PAQR8: variants seen among roughly 807,000 people sequenced by gnomAD.
PAQR8 encodes membrane progestin receptor beta.
Under a neutral mutation model 25.2 loss-of-function variants are expected in PAQR8, and 17 were observed. That is an observed-to-expected ratio of 0.67 (90% CI 0.46 to 1.01). The LOEUF (loss-of-function observed/expected upper bound fraction) is 1.01, where lower values mean the gene tolerates loss of function less well. Ranked by LOEUF, PAQR8 falls within the 50% of genes least tolerant of loss-of-function variation. The pLI is 0.00. For missense variants in PAQR8, 392 were observed against 448.4 expected (o/e 0.87, Z 1.14); for synonymous variants, 204 against 190.6 (o/e 1.07, Z -0.58).
At chr6:52,387,170 C>G (rs1032728532) in intron 1 of PAQR8, among the ~76,000 whole-genome samples, 11 of 152,152 alleles carry the variant, frequency 7.2e-5, no homozygotes, top group Non-Finnish European at 1.3e-4. Flanking sequence ...TCAGGGGTGC[C>G]CTTAGGAAAG....
intron 1 of PAQR8, among the ~76,000 whole-genome samples, chr6:52,398,599 G>A (rs1222084562): frequency 6.6e-6 from 1 of 151,676 alleles, no homozygotes; most frequent in Non-Finnish European, 1.5e-5. Flanking sequence ...TGTCACCCAG[G>A]CTGGAGTGCA....
At chr6:52,368,971 C>G (rs909577382) in intron 1 of PAQR8, among the ~76,000 whole-genome samples, 1 of 152,100 alleles carries the variant, frequency 6.6e-6, no homozygotes, top group Non-Finnish European at 1.5e-5. Context: ...TCTCCCATTG[C>G]TTGGCACTCA....
chr6:52,383,498 A>G (rs1367460325), intron 1 of PAQR8, among the ~76,000 whole-genome samples: 1 of 151,858 alleles, frequency 6.6e-6, no homozygotes, highest in Non-Finnish European at 1.5e-5. Context: ...CGTCTCTACT[A>G]AAAATACAAA....
intron 1 of PAQR8, among the ~76,000 whole-genome samples, chr6:52,384,418 G>T (rs940378806): frequency 2.6e-5 from 4 of 152,176 alleles, no homozygotes; most frequent in African/African-American, 9.7e-5. Flanking sequence ...AGGAGTGCTG[G>T]TTAGGGCAGA....
At chr6:52,368,208 G>A (rs1359708091) in intron 1 of PAQR8, among the ~76,000 whole-genome samples, 2 of 152,196 alleles carry the variant, frequency 1.3e-5, no homozygotes, top group Non-Finnish European at 1.5e-5. Context: ...GGCAAGTGGA[G>A]CAAATTCTGG....
intron 1 of PAQR8, chr6:52,373,549 G>A (rs1210657969): frequency 2.0e-5 from 3 of 152,194 alleles, no homozygotes; most frequent in Non-Finnish European, 4.4e-5. Context: ...TTTTCTTAGG[G>A]TCTCTTGCCT....
At position 52,404,061 on chromosome 6, in the gene PAQR8, A is replaced by C. The variant is rs1434713956; in HGVS notation, c.848A>C (p.Gln283Pro). 3.7e-6 allele frequency: 6 copies of C among 1,614,072 alleles called. No individual in the cohort carries two copies. Among genetic ancestry groups the C allele is most frequent in the Non-Finnish European group, 5.1e-6 (6 of 1,180,030 alleles). ...GSCDIVGHGH[Q>P]IFHAFLSICT... ...TGTGACATCGTGGGCCATGGGCATC[A>C]GATCTTCCATGCATTTCTGTCCATC... The change falls in exon 2 of 2, where the codon CAG becomes CCG. Residue 283 changes from glutamine (Q) to proline (P), a missense_variant. Coordinates refer to ENST00000442253, the MANE Select transcript of PAQR8 (RefSeq NM_133367.5).
intron 1 of PAQR8, among the ~76,000 whole-genome samples, chr6:52,374,720 G>C (rs1460861408): frequency 6.6e-6 from 1 of 151,992 alleles, no homozygotes; most frequent in Non-Finnish European, 1.5e-5. Context: ...CTAAACCTCT[G>C]TTTCCTTTTC....
intron 1 of PAQR8, among the ~76,000 whole-genome samples, chr6:52,402,835 G>T (rs1763851381): frequency 6.6e-6 from 1 of 152,152 alleles, no homozygotes; most frequent in Admixed American, 6.5e-5. Flanking sequence ...CAACACTTGG[G>T]GAGGCTGAGG....
chr6:52,383,379 C>T (rs1190964739), intron 1 of PAQR8, among the ~76,000 whole-genome samples: 2 of 152,190 alleles, frequency 1.3e-5, no homozygotes, highest in Admixed American at 6.5e-5. Context: ...ACCAGGAATT[C>T]GGCCGGGCGC....
rs1763924050 is a variant in PAQR8 at position 52,407,420 on chromosome 6, C to T, written c.*3142C>T. ...AAGTACTTCACTCAACAACAATATT[C>T]TCAAGAGTCTTCTACTGGAAGCTAG... On this transcript the variant is annotated 3_prime_UTR_variant, in exon 2 of 2. Coordinates refer to ENST00000442253, the MANE Select transcript of PAQR8 (RefSeq NM_133367.5). 1 of 166,990 alleles carries T rather than the reference C, an allele frequency of 6.0e-6. No homozygotes were observed. The highest frequency in any genetic ancestry group is 6.5e-5 in the Admixed American group (1 of 15,278). 10.3% of individuals were successfully genotyped at this position (166,990 alleles called of 1,614,324 possible).
chr6:52,400,163 A>G (rs1192391293), intron 1 of PAQR8, among the ~76,000 whole-genome samples: 1 of 152,180 alleles, frequency 6.6e-6, no homozygotes, highest in Non-Finnish European at 1.5e-5. Flanking sequence ...GCTTGAGTTC[A>G]TAGCCCATTC....
At chr6:52,392,250 G>A (rs113660309) in intron 1 of PAQR8, among the ~76,000 whole-genome samples, 2,566 of 151,946 alleles carry the variant, frequency 0.017, 73 homozygotes, top group African/African-American at 0.059. Context: ...AGGCTGAGGC[G>A]GGAGAATTGC....
chr6:52,397,928 C>G (rs1317522438), intron 1 of PAQR8, among the ~76,000 whole-genome samples: 1 of 152,154 alleles, frequency 6.6e-6, no homozygotes. Flanking sequence ...AATTTTACAG[C>G]TGGTCCTTTG....
In PAQR8 at chr6:52,404,361, A is replaced by G; in HGVS notation, c.*83A>G. 1 of 1,268,572 alleles carries G rather than the reference A, an allele frequency of 7.9e-7. No homozygotes were observed. Among genetic ancestry groups the G allele is most frequent in the South Asian group, 1.6e-5 (1 of 63,290 alleles). 78.6% of individuals were successfully genotyped at this position (1,268,572 alleles called of 1,614,324 possible). On this transcript the variant is annotated 3_prime_UTR_variant, in exon 2 of 2. Coordinates refer to ENST00000442253, the MANE Select transcript of PAQR8 (RefSeq NM_133367.5). ...TACAATAGAAGCTGACTTTTAAGGC[A>G]TTGGCTTTTAAATTAATACATATAT...
At chr6:52,372,033 G>A (rs1051637097) in intron 1 of PAQR8, among the ~76,000 whole-genome samples, 9 of 152,202 alleles carry the variant, frequency 5.9e-5, no homozygotes, top group Non-Finnish European at 1.3e-4. Flanking sequence ...AATCCTAGAA[G>A]CTGGGAATTT....
chr6:52,395,869 G>A (rs2113949050), intron 1 of PAQR8, among the ~76,000 whole-genome samples: 1 of 152,292 alleles, frequency 6.6e-6, no homozygotes. Flanking sequence ...TGAGGACAAT[G>A]ACACTGAGTA....
chr6:52,379,690 G>C (rs1448804311), intron 1 of PAQR8, among the ~76,000 whole-genome samples: 1 of 144,836 alleles, frequency 6.9e-6, no homozygotes, highest in South Asian at 2.2e-4. Context: ...GCAGTGCTGC[G>C]ATCTCGGCTC....
In PAQR8 at chr6:52,403,730, G is replaced by A. The variant is rs1234419577; in HGVS notation, c.517G>A (p.Asp173Asn). ...CTACAGCTCTGACCAGGCCTGGTATGACCGGTTCTGGCTTTTCTTCTTGCC... is the reference window on the plus strand; with the variant it reads ...CTACAGCTCTGACCAGGCCTGGTATAACCGGTTCTGGCTTTTCTTCTTGCC... Reference protein sequence around the residue: ...FFYSSDQAWYDRFWLFFLPAA... With the variant: ...FFYSSDQAWYNRFWLFFLPAA... Residue 173 changes from aspartate to asparagine, a missense_variant, in exon 2 of 2, where the codon GAC (aspartate) becomes AAC (asparagine). Physicochemically the swap from Asp to Asn is conservative, Grantham distance 23 (BLOSUM62 1). Transcript: ENST00000442253. 6.2e-7 allele frequency: 1 copy of A among 1,614,242 alleles called. No individual in the cohort carries two copies.
Sources: gnomAD v4.1 joint callset for allele counts (sites outside exome capture counted in the v4.1 genomes callset) on GRCh38, gnomAD v4.1.1 for gene constraint, MANE v1.5 for transcripts, NCBI Gene and HGNC (gene_info 2026-07-23, HGNC 2026-07-21) for gene names.